Variants in ECHDC2 observed in about 807,000 individuals in gnomAD.
ECHDC2 encodes the protein enoyl-CoA hydratase domain containing 2.
Under a neutral mutation model 40.6 loss-of-function variants are expected in ECHDC2, and 34 were observed. The ratio of observed to expected loss-of-function variants is 0.84; its 90% CI spans 0.64 to 1.11. The LOEUF (loss-of-function observed/expected upper bound fraction) is 1.11, where lower values mean the gene tolerates loss of function less well. Among genes scored for constraint, ECHDC2 ranks in the 50% most tolerant of loss-of-function variants. The pLI is 0.00. For missense variants in ECHDC2, 392 were observed against 400.7 expected, an observed-to-expected ratio of 0.98 and a Z score of 0.19; for synonymous variants, 162 against 166.6, an observed-to-expected ratio of 0.97 and a Z score of 0.21.
chr1:52,911,496 GTTT>G lies in ECHDC2; in HGVS notation c.277+67_277+69del, dbSNP rs1345888928. 6 of 1,474,416 alleles carry G rather than the reference GTTT, an allele frequency of 4.1e-6. No homozygotes were observed. The Admixed American group carries it at 8.4e-5, about 21-fold the overall frequency. 91.3% of individuals were successfully genotyped at this position (1,474,416 alleles called of 1,614,324 possible). ...AGTCCCATGCTGAAGCTGATCTAAG[GTTT>G]CCCCCAACCCCTGGAGGCTGGTGGG... On this transcript the variant is annotated intron_variant, in intron 3 of 9. Transcript: ENST00000371522.
rs1254239194 is a variant in ECHDC2, at chr1:52,896,235, A to G, written c.*285T>C. Reference sequence around the variant, plus strand: ...ATGATACCAAGACTCAGAGAGATCTAATTTAATTCTTTATCATTCAAGTAG... The same window carrying G: ...ATGATACCAAGACTCAGAGAGATCTGATTTAATTCTTTATCATTCAAGTAG... On this transcript the variant is annotated 3_prime_UTR_variant, in exon 10 of 10. Transcript: ENST00000371522. 6 of 394,688 alleles carry G rather than the reference A, an allele frequency of 1.5e-5. No homozygotes were observed. The highest frequency in any genetic ancestry group is 1.4e-4 in the Admixed American group (4 of 28,248). 24.4% of individuals were successfully genotyped at this position (394,688 alleles called of 1,614,324 possible).
chr1:52,916,990 G>A (rs549448735), intron 1 of ECHDC2, among the ~76,000 whole-genome samples: 73 of 152,274 alleles, frequency 4.8e-4, no homozygotes, highest in African/African-American at 1.6e-3. Context: ...TTGGGAGGCC[G>A]AGGCGGGTGG....
rs185136009 is a variant in ECHDC2, at chr1:52,912,601, C to T, written c.122-811G>A. Among the ~76,000 whole-genome samples, 101 of 152,224 alleles carry T rather than the reference C, an allele frequency of 6.6e-4. No homozygotes were observed. The East Asian group carries it at 0.018, about 27-fold the overall frequency. ...CCACCACCCAAATCAAGAAATAGAA[C>T]TGTGCCGGCCACCTCAGAAACCCCA... On this transcript the variant is annotated intron_variant, in intron 1 of 9. Coordinates refer to ENST00000371522, the MANE Select transcript of ECHDC2 (RefSeq NM_001198961.2).
rs953615752 is a variant in ECHDC2, at chr1:52,921,736, A to G, written c.-63T>C. The G allele has an allele frequency of 4.9e-6, 7 of 1,423,154 alleles. No individual in the cohort carries two copies. The highest frequency in any genetic ancestry group is 1.5e-5 in the South Asian group (1 of 66,330). The allele number at this position is 1,423,154 out of a possible 1,614,324, so 88.2% of individuals were successfully genotyped here. ...CTGCACCGTCTCGGCTCCCGCTGAG[A>G]GCTCGCAGTTCCGGCGTCGGGCGAA... On this transcript the variant is annotated 5_prime_UTR_variant, in exon 1 of 10. Transcript: ENST00000371522.
At chr1:52,898,404 T>A (rs1646774515) in intron 8 of ECHDC2, 1 of 152,138 alleles carries the variant, frequency 6.6e-6, no homozygotes. Context: ...GTATTTTTAG[T>A]AGAGACGGGG....
chr1:52,901,145 C>T (rs879832066), intron 7 of ECHDC2: 1 of 139,980 alleles, frequency 7.1e-6, no homozygotes, highest in African/African-American at 2.7e-5. Flanking sequence ...GCAAAAGAGC[C>T]AGACCCTGTC....
At chr1:52,907,384 A>G (rs1648193938) in intron 4 of ECHDC2, 1 of 156,498 alleles carries the variant, frequency 6.4e-6, no homozygotes, top group Non-Finnish European at 1.4e-5. Context: ...AATCAGACAT[A>G]GCCTTTGTTC....
chr1:52,905,868 G>C (rs1647667311), intron 5 of ECHDC2: 1 of 201,950 alleles, frequency 5.0e-6, no homozygotes, highest in African/African-American at 2.4e-5. Context: ...GCATTGTGTA[G>C]ACAGAAGCTA....
chr1:52,906,752 G>T, intron 4 of ECHDC2, 141 bp from the exon 5 acceptor site: 1 of 543,092 alleles, frequency 1.8e-6, no homozygotes, highest in Non-Finnish European at 3.3e-6. Context: ...CCTCAGCCAG[G>T]TTATCTTAAT....
At chr1:52,905,883 C>G (rs147144501) in intron 5 of ECHDC2, 4 of 200,552 alleles carry the variant, frequency 2.0e-5, no homozygotes, top group East Asian at 1.5e-4. Context: ...AAGCTACTTT[C>G]ATGCCTGGAG....
At chr1:52,915,336 G>A (rs1400470352) in intron 1 of ECHDC2, 1 of 456,018 alleles carries the variant, frequency 2.2e-6, no homozygotes, top group African/African-American at 2.0e-5. Flanking sequence ...CTCAGTTTAA[G>A]CTGATCAGAG....
At chr1:52,913,492 C>A (rs1650012537) in intron 1 of ECHDC2, 1 of 152,192 alleles carries the variant, frequency 6.6e-6, no homozygotes, top group Non-Finnish European at 1.5e-5. Flanking sequence ...CGTTTCTCTC[C>A]TTGCCTCAAC....
intron 7 of ECHDC2, among the ~76,000 whole-genome samples, chr1:52,904,018 A>G (rs1647187349): frequency 6.6e-6 from 1 of 151,942 alleles, no homozygotes; most frequent in Non-Finnish European, 1.5e-5. Context: ...GGGTTTCACC[A>G]TATTGGCCAG....
intron 5 of ECHDC2, 83 bp downstream of exon 5, chr1:52,906,436 A>G (rs1405077276): frequency 8.5e-7 from 1 of 1,177,022 alleles, no homozygotes; most frequent in Admixed American, 2.0e-5. Flanking sequence ...ACAGTGGCTG[A>G]CTGCAGAATG....
intron 1 of ECHDC2, among the ~76,000 whole-genome samples, chr1:52,918,969 C>T (rs919084198): frequency 1.1e-4 from 17 of 152,134 alleles, no homozygotes; most frequent in African/African-American, 4.1e-4. Flanking sequence ...TGAATTACCA[C>T]CTGAGTTCCA....
intron 7 of ECHDC2, among the ~76,000 whole-genome samples, chr1:52,903,821 CTTT>C (rs565248267): frequency 2.1e-5 from 3 of 144,670 alleles, no homozygotes; most frequent in African/African-American, 5.2e-5. Flanking sequence ...TTCTTTCTTT[CTTT>C]TTTTTTTTTT....
chr1:52,907,830 C>A (rs761238474), intron 4 of ECHDC2, 38 bp downstream of exon 4: 4 of 1,567,802 alleles, frequency 2.6e-6, no homozygotes, highest in African/African-American at 2.7e-5. Flanking sequence ...GGCAGGGACC[C>A]CCAAACCCCC....
rs550987709 is a variant in ECHDC2, at chr1:52,911,170, G to C, written c.277+396C>G. Among the ~76,000 whole-genome samples the C allele has an allele frequency of 2.2e-4, 33 of 152,120 alleles. No homozygotes were observed. In the South Asian group the frequency reaches 6.9e-3, roughly 32 times the overall value. On this transcript the variant is annotated intron_variant, in intron 3 of 9. Coordinates refer to ENST00000371522, the MANE Select transcript of ECHDC2 (RefSeq NM_001198961.2). ...TTTTGTATTTTTTAGTAGAGAAGGG[G>C]TTTCACCATGTTGGCCAGGCTGGTC...
At chr1:52,899,018 T>C in intron 8 of ECHDC2, 156 bp downstream of exon 8, 1 of 755,178 alleles carries the variant, frequency 1.3e-6, no homozygotes, top group Non-Finnish European at 2.4e-6. Flanking sequence ...TTTGCAGATG[T>C]GTAAACTGAC....
Sources: gnomAD v4.1 joint callset for allele counts (sites outside exome capture counted in the v4.1 genomes callset) on GRCh38, gnomAD v4.1.1 for gene constraint, MANE v1.5 for transcripts, NCBI Gene and HGNC (gene_info 2026-07-23, HGNC 2026-07-21) for gene names.